TENM3: variants seen among roughly 807,000 people sequenced by gnomAD.
The protein encoded by TENM3 is teneurin transmembrane protein 3.
TENM3 carries 63 observed loss-of-function variants against 255.1 expected under a neutral mutation model. That is an observed-to-expected ratio of 0.25 (90% CI 0.20 to 0.30). TENM3 has a LOEUF of 0.30. TENM3 is among the 10% of genes least tolerant of loss of function. The pLI is 1.00. For missense variants in TENM3, 2,929 were observed against 3,461.1 expected (o/e 0.85, Z 3.86); for synonymous variants, 1,306 against 1,322.3 (o/e 0.99, Z 0.27).
the TENM3 span, among the ~76,000 whole-genome samples, chr4:181,478,717 C>T: frequency 3.3e-5 from 5 of 152,206 alleles, no homozygotes; most frequent in African/African-American, 7.2e-5. Flanking sequence ...TGAAAACTCC[C>T]GCTAGATGAC....
At chr4:181,982,799 C>T in the TENM3 span, among the ~76,000 whole-genome samples, 1 of 152,098 alleles carries the variant, frequency 6.6e-6, no homozygotes, top group South Asian at 2.1e-4. Flanking sequence ...AAATATGCAC[C>T]AACTGCCACA....
chr4:182,788,014 T>TA (rs1407020413), intron 24 of TENM3, among the ~76,000 whole-genome samples: 1 of 152,220 alleles, frequency 6.6e-6, no homozygotes, highest in African/African-American at 2.4e-5. Context: ...ATGATGTATG[T>TA]ATATACACAT....
chr4:182,714,906 T>TA (rs1161917352), intron 13 of TENM3, among the ~76,000 whole-genome samples: 1 of 152,166 alleles, frequency 6.6e-6, no homozygotes, highest in Non-Finnish European at 1.5e-5. Flanking sequence ...TTTTTTGAGA[T>TA]AGAGTTTCGC....
chr4:182,610,133 G>T (rs1288226764), intron 4 of TENM3, among the ~76,000 whole-genome samples: 2 of 152,078 alleles, frequency 1.3e-5, no homozygotes, highest in African/African-American at 2.4e-5. Flanking sequence ...TTTAAAAAGA[G>T]AATTTGTTTT....
At chr4:182,326,849 A>C (rs1157916943) in intron 2 of TENM3, among the ~76,000 whole-genome samples, 1 of 152,130 alleles carries the variant, frequency 6.6e-6, no homozygotes, top group Non-Finnish European at 1.5e-5. Flanking sequence ...AGCCCATTTT[A>C]GTCAATTTTG....
chr4:181,620,409 A>T, the TENM3 span, among the ~76,000 whole-genome samples: 1 of 152,182 alleles, frequency 6.6e-6, no homozygotes, highest in Non-Finnish European at 1.5e-5. Context: ...TGGCACGCAC[A>T]AAAGGTTGGC....
At chr4:182,537,955 C>G (rs1740501860) in intron 3 of TENM3, among the ~76,000 whole-genome samples, 1 of 152,118 alleles carries the variant, frequency 6.6e-6, no homozygotes, top group Non-Finnish European at 1.5e-5. Flanking sequence ...TTGTAATCTT[C>G]CCAGTGATTT....
chr4:182,625,576 C>T (rs907224275), intron 4 of TENM3, among the ~76,000 whole-genome samples: 2 of 152,086 alleles, frequency 1.3e-5, no homozygotes, highest in Admixed American at 6.5e-5. Context: ...GTAAAGTAAG[C>T]GAATTGTCCC....
rs1561149989 is a variant in TENM3, at chr4:182,160,063, TGCGA to T, written c.-76+15310_-76+15313del. Among the ~76,000 whole-genome samples, 39 of 147,434 alleles carry T rather than the reference TGCGA, an allele frequency of 2.6e-4. 1 individual carries two copies. Among genetic ancestry groups the T allele is most frequent in the South Asian group, 2.1e-4 (1 of 4,678 alleles). On this transcript the variant is annotated intron_variant, in intron 1 of 2. Coordinates refer to the TENM3 transcript ENST00000512480. ...TGTCGCCCAGGCTGGAGTGCAGCGG[TGCGA>T]TCTCGGCTCACTGCAAGCTCCGCTT...
chr4:181,722,284 TA>T, the TENM3 span, among the ~76,000 whole-genome samples: 1 of 152,146 alleles, frequency 6.6e-6, no homozygotes, highest in East Asian at 1.9e-4. Context: ...TCATGGCACA[TA>T]GTAAGCACTC....
At chr4:182,207,487 T>C (rs1754663868) in intron 1 of TENM3, among the ~76,000 whole-genome samples, 1 of 152,172 alleles carries the variant, frequency 6.6e-6, no homozygotes, top group Admixed American at 6.5e-5. Flanking sequence ...TCCCAGCCCA[T>C]GCAAAAAGAT....
At chr4:182,179,719 G>A (rs1363255365) in intron 1 of TENM3, among the ~76,000 whole-genome samples, 1 of 152,106 alleles carries the variant, frequency 6.6e-6, no homozygotes, top group African/African-American at 2.4e-5. Context: ...AGTTCAAAAA[G>A]CATTTTTGTG....
At chr4:181,570,856 G>A in the TENM3 span, among the ~76,000 whole-genome samples, 5 of 152,308 alleles carry the variant, frequency 3.3e-5, no homozygotes, top group Middle Eastern at 3.4e-3. Context: ...AGCGAGAGAA[G>A]GTGGTGAAAG....
At chr4:182,147,905 T>A (rs191496426) in intron 1 of TENM3, among the ~76,000 whole-genome samples, 1 of 152,310 alleles carries the variant, frequency 6.6e-6, no homozygotes, top group African/African-American at 2.4e-5. Context: ...TTTAAAAGTT[T>A]CGACAACTAA....
chr4:182,436,140 G>C (rs1000346399), intron 3 of TENM3, among the ~76,000 whole-genome samples: 1 of 152,176 alleles, frequency 6.6e-6, no homozygotes, highest in Non-Finnish European at 1.5e-5. Context: ...TGCTTTAACA[G>C]ATGCCTTTAG....
intron 3 of TENM3, among the ~76,000 whole-genome samples, chr4:182,383,338 C>T (rs1398941672): frequency 6.6e-6 from 1 of 151,798 alleles, no homozygotes; most frequent in Non-Finnish European, 1.5e-5. Context: ...CTATGTGGGC[C>T]CAGCAAGGGG....
At chr4:182,298,791 G>T (rs186619196) in intron 1 of TENM3, among the ~76,000 whole-genome samples, 1 of 151,726 alleles carries the variant, frequency 6.6e-6, no homozygotes, top group Non-Finnish European at 1.5e-5. Flanking sequence ...TGGCCAATAT[G>T]GTGAAACCCC....
intron 3 of TENM3, among the ~76,000 whole-genome samples, chr4:182,393,601 T>C (rs907010655): frequency 2.6e-5 from 4 of 152,334 alleles, no homozygotes; most frequent in Middle Eastern, 3.4e-3. Context: ...GAGTAGACAT[T>C]GACAAAACAG....
chr4:182,388,863 G>T (rs1768202087), intron 3 of TENM3, among the ~76,000 whole-genome samples: 1 of 152,074 alleles, frequency 6.6e-6, no homozygotes, highest in Non-Finnish European at 1.5e-5. Context: ...AAAGTTGTTG[G>T]CTCTGCAACA....
Sources: gnomAD v4.1 joint callset for allele counts (sites outside exome capture counted in the v4.1 genomes callset) on GRCh38, gnomAD v4.1.1 for gene constraint, MANE v1.5 for transcripts, NCBI Gene and HGNC (gene_info 2026-07-23, HGNC 2026-07-21) for gene names.